Variants in ZBTB20 observed in about 807,000 individuals in gnomAD.
The protein encoded by ZBTB20 is zinc finger and BTB domain containing 20.
ZBTB20 carries 9 observed loss-of-function variants against 56.9 expected under a neutral mutation model. The observed-to-expected ratio is 0.16, with a 90% CI of 0.10 to 0.28. The LOEUF is 0.28. Ranked by LOEUF, ZBTB20 falls within the 10% of genes least tolerant of loss-of-function variation. The pLI is 1.00. For synonymous variants in ZBTB20, 417 were observed against 420.7 expected (o/e 0.99, Z 0.11); for missense variants, 655 against 1,003.0 (o/e 0.65, Z 4.69).
chr3:114,844,330 A>AACATATATATATAT (rs2074543177), intron 4 of ZBTB20, among the ~76,000 whole-genome samples: 2 of 99,302 alleles, frequency 2.0e-5, no homozygotes, highest in African/African-American at 1.2e-4. Flanking sequence ...TACTGGAGTA[A>AACATATATATATAT]ATATATATAT....
At chr3:114,919,147 G>T (rs1162240910) in intron 3 of ZBTB20, among the ~76,000 whole-genome samples, 1 of 152,106 alleles carries the variant, frequency 6.6e-6, no homozygotes, top group East Asian at 1.9e-4. Flanking sequence ...ATTTGTTAAT[G>T]GATACACAAT....
chr3:115,009,165 A>C (rs983157141), intron 2 of ZBTB20, among the ~76,000 whole-genome samples: 1 of 151,836 alleles, frequency 6.6e-6, no homozygotes, highest in Admixed American at 6.6e-5. Flanking sequence ...TATTCTTCAA[A>C]TTTTTTTAAT....
At position 114,526,842 on chromosome 3, in the gene ZBTB20, G is replaced by A. The variant is rs867163693; in HGVS notation, c.-294-26451C>T. Among the ~76,000 whole-genome samples, 8 of 152,324 alleles carry A rather than the reference G, an allele frequency of 5.3e-5. No individual in the cohort carries two copies. In the Middle Eastern group the frequency reaches 0.024, roughly 453 times the overall value. ...AGCAGCAAAATAAGAGGTTTACTCT[G>A]TTGGGTGCACAGTTTGGAAGAATTA... On this transcript the variant is annotated intron_variant, in intron 6 of 11. Transcript: ENST00000675478.
At chr3:114,397,575 CTTT>C (rs11354826) in intron 7 of ZBTB20, among the ~76,000 whole-genome samples, 1 of 145,578 alleles carries the variant, frequency 6.9e-6, no homozygotes. Context: ...CACCACATAC[CTTT>C]TTTTTTTTTG....
At chr3:114,641,352 C>T (rs973894243) in intron 6 of ZBTB20, among the ~76,000 whole-genome samples, 1 of 151,846 alleles carries the variant, frequency 6.6e-6, no homozygotes, top group African/African-American at 2.4e-5. Context: ...AGATCTTGTA[C>T]ACCAAGGCCA....
At chr3:114,588,400 T>C (rs1053640646) in intron 6 of ZBTB20, among the ~76,000 whole-genome samples, 8 of 152,192 alleles carry the variant, frequency 5.3e-5, no homozygotes, top group African/African-American at 1.9e-4. Flanking sequence ...GAATGTCTCC[T>C]GAACATTATG....
Position 114,753,346 on chromosome 3 carries a change from GTATACATTA to G in ZBTB20, c.-343+47746_-343+47754del, listed in dbSNP as rs2067723782. On this transcript the variant is annotated intron_variant, in intron 5 of 11. Transcript: ENST00000675478. ...ATACCTGTATATATAATGTATATATGTATACATTATATATAATGTATATATAATGTATAT... is the reference window on the plus strand; with the variant it reads ...ATACCTGTATATATAATGTATATATGTATATAATGTATATATAATGTATAT... 2.4e-5 allele frequency among the ~76,000 whole-genome samples: 2 copies of G among 84,044 alleles called. 1 individual carries two copies. Among genetic ancestry groups the G allele is most frequent in the African/African-American group, 8.0e-5 (2 of 24,858 alleles). 55.1% of individuals were successfully genotyped at this position (84,044 alleles called of 152,430 possible). A position where few individuals can be genotyped will look rare whatever the true frequency, so the allele number is the denominator to read the frequency against.
chr3:115,076,775 A>G (rs768738361), intron 1 of ZBTB20, among the ~76,000 whole-genome samples: 9 of 152,218 alleles, frequency 5.9e-5, no homozygotes, highest in Non-Finnish European at 7.3e-5. Context: ...TACAAACCTT[A>G]TATCTCAGTG....
chr3:115,049,959 A>C (rs1415579949), intron 2 of ZBTB20, among the ~76,000 whole-genome samples: 1 of 152,112 alleles, frequency 6.6e-6, no homozygotes. Context: ...GCTGATTTAA[A>C]TATGCCTTTC....
intron 11 of ZBTB20, among the ~76,000 whole-genome samples, chr3:114,341,532 T>G (rs577882771): frequency 6.6e-6 from 1 of 152,362 alleles, no homozygotes; most frequent in Non-Finnish European, 1.5e-5. Context: ...TAAAATGCTC[T>G]GCTGTTTGAA....
At chr3:114,582,953 T>C (rs185162811) in intron 6 of ZBTB20, among the ~76,000 whole-genome samples, 31 of 152,368 alleles carry the variant, frequency 2.0e-4, no homozygotes, top group African/African-American at 5.3e-4. Context: ...ATTGTTGATA[T>C]AGACAGATGC....
chr3:115,092,279 A>C (rs748341476), intron 1 of ZBTB20, among the ~76,000 whole-genome samples: 6 of 151,976 alleles, frequency 3.9e-5, no homozygotes, highest in Non-Finnish European at 8.8e-5. Context: ...TTTTTCACTA[A>C]CTCATGCATC....
intron 5 of ZBTB20, among the ~76,000 whole-genome samples, chr3:114,695,322 T>TA (rs137981094): frequency 0.032 from 4,808 of 150,108 alleles, 240 homozygotes; most frequent in African/African-American, 0.11. Context: ...ATTAAAAAAA[T>TA]AAAAAAAAAC....
chr3:114,842,319 C>A (rs2074416223), intron 4 of ZBTB20, among the ~76,000 whole-genome samples: 1 of 152,098 alleles, frequency 6.6e-6, no homozygotes, highest in African/African-American at 2.4e-5. Context: ...CCATCTGGAA[C>A]TGATGAAAGG....
At chr3:114,632,041 T>C (rs2058990080) in intron 6 of ZBTB20, among the ~76,000 whole-genome samples, 1 of 151,992 alleles carries the variant, frequency 6.6e-6, no homozygotes, top group African/African-American at 2.4e-5. Flanking sequence ...CTGTAGAGAG[T>C]AGACTATACT....
intron 2 of ZBTB20, among the ~76,000 whole-genome samples, chr3:114,990,764 T>C (rs1252583370): frequency 1.3e-5 from 2 of 152,176 alleles, no homozygotes; most frequent in Non-Finnish European, 2.9e-5. Context: ...AGGCTATTAA[T>C]TATTGCCTCA....
intron 6 of ZBTB20, among the ~76,000 whole-genome samples, chr3:114,631,382 CTTTTTT>C (rs66470152): frequency 2.2e-4 from 11 of 49,828 alleles, no homozygotes; most frequent in Non-Finnish European, 3.4e-4. Flanking sequence ...ATAGGTTATT[CTTTTTT>C]TTTTTTTTTT....
intron 5 of ZBTB20, among the ~76,000 whole-genome samples, chr3:114,749,624 A>AAGG (rs1560204666): frequency 3.8e-4 from 53 of 138,634 alleles, no homozygotes; most frequent in African/African-American, 1.5e-3. Flanking sequence ...AGGAAGGAAT[A>AAGG]AATTGGCTAT....
intron 4 of ZBTB20, among the ~76,000 whole-genome samples, chr3:114,857,037 C>T (rs1053283687): frequency 6.6e-6 from 1 of 152,030 alleles, no homozygotes; most frequent in Non-Finnish European, 1.5e-5. Context: ...GATTGCAGGC[C>T]TATTTCCAGT....
Sources: gnomAD v4.1 joint callset for allele counts (sites outside exome capture counted in the v4.1 genomes callset) on GRCh38, gnomAD v4.1.1 for gene constraint, MANE v1.5 for transcripts, NCBI Gene and HGNC (gene_info 2026-07-23, HGNC 2026-07-21) for gene names.